RBBP8: variants seen among roughly 807,000 people sequenced by gnomAD.
The protein encoded by RBBP8 is DNA endonuclease RBBP8.
Under a neutral mutation model 108.3 loss-of-function variants are expected in RBBP8, and 88 were observed. The observed-to-expected ratio is 0.81, with a 90% CI of 0.68 to 0.97. The LOEUF (loss-of-function observed/expected upper bound fraction) is 0.97. Ranked by LOEUF, RBBP8 falls within the 50% of genes least tolerant of loss-of-function variation. The pLI, the probability that RBBP8 is intolerant of heterozygous loss-of-function variation, is 0.00. For missense variants in RBBP8, 1,023 were observed against 1,049.0 expected, an observed-to-expected ratio of 0.98 and a Z score of 0.34; for synonymous variants, 332 against 348.2, an observed-to-expected ratio of 0.95 and a Z score of 0.52.
chr18:22,946,725 A>G (rs1464108694), intron 3 of RBBP8, among the ~76,000 whole-genome samples: 1 of 152,112 alleles, frequency 6.6e-6, no homozygotes, highest in Non-Finnish European at 1.5e-5. Flanking sequence ...ATGTATGTTT[A>G]TATTGTAATA....
At chr18:23,002,922 C>A (rs890989108) in intron 15 of RBBP8, among the ~76,000 whole-genome samples, 19 of 152,152 alleles carry the variant, frequency 1.2e-4, no homozygotes, top group Non-Finnish European at 2.4e-4. Flanking sequence ...CTTTTTCCCC[C>A]CAAGAAGGAC....
intron 14 of RBBP8, among the ~76,000 whole-genome samples, chr18:23,000,280 G>A (rs2045925588): frequency 6.6e-6 from 1 of 152,090 alleles, no homozygotes; most frequent in African/African-American, 2.4e-5. Flanking sequence ...AAACTCTAGT[G>A]TTTTTTAAAT....
intron 16 of RBBP8, among the ~76,000 whole-genome samples, chr18:23,009,677 G>T (rs2046122311): frequency 6.6e-6 from 1 of 151,796 alleles, no homozygotes; most frequent in Admixed American, 6.6e-5. Context: ...TAAAATTTAT[G>T]ATTTTTCTTC....
At chr18:22,933,894 G>C (rs1910263218) in intron 1 of RBBP8, 2 of 152,298 alleles carry the variant, frequency 1.3e-5, no homozygotes, top group South Asian at 2.1e-4. Context: ...GAACCGGCGC[G>C]GGCACCTGGG....
At chr18:22,945,015 T>C (rs1006899558) in intron 2 of RBBP8, among the ~76,000 whole-genome samples, 2 of 152,202 alleles carry the variant, frequency 1.3e-5, no homozygotes, top group Admixed American at 6.5e-5. Flanking sequence ...TATACACATA[T>C]ATGAAAAACT....
rs974441429 is a variant in RBBP8 at position 22,954,949 on chromosome 18, C to A, written c.248+5236C>A. ...TCAGTTACCTCCTACCAGATCCCTCCCTCCTGATTTCAAGCAGTTCTCCCA... is the reference window on the plus strand; with the variant it reads ...TCAGTTACCTCCTACCAGATCCCTCACTCCTGATTTCAAGCAGTTCTCCCA... On this transcript the variant is annotated intron_variant, in intron 4 of 18. Coordinates refer to ENST00000327155, the MANE Select transcript of RBBP8 (RefSeq NM_002894.3). Among the ~76,000 whole-genome samples, 90 of 152,314 alleles carry A rather than the reference C, an allele frequency of 5.9e-4. 1 individual carries two copies. Among genetic ancestry groups the A allele is most frequent in the African/African-American group, 2.1e-3 (87 of 41,576 alleles).
chr18:22,931,187 T>C (rs1910010990), upstream of RBBP8, among the ~76,000 whole-genome samples: 1 of 151,978 alleles, frequency 6.6e-6, no homozygotes, highest in Non-Finnish European at 1.5e-5. Context: ...ACTATTGAAA[T>C]AAGATAAAAA....
chr18:23,022,292 T>A lies in RBBP8; in HGVS notation c.2596+22T>A, dbSNP rs756310589. 2.5e-6 allele frequency: 4 copies of A among 1,589,406 alleles called. No homozygotes were observed. The Middle Eastern group carries it at 5.0e-4, about 199-fold the overall frequency. On this transcript the variant is annotated intron_variant, in intron 18 of 18. Coordinates refer to ENST00000327155, the MANE Select transcript of RBBP8 (RefSeq NM_002894.3). ...AGAGGTGAGAGTATAGATTGTAACA[T>A]TTTATAATTATTTTTTTTAAATACT...
rs193197461 is a variant in RBBP8, at chr18:22,949,622, G to A, written c.157G>A (p.Ala53Thr). 2 of 1,607,660 alleles carry A rather than the reference G, an allele frequency of 1.2e-6. No individual in the cohort carries two copies. Among genetic ancestry groups the A allele is most frequent in the East Asian group, 2.2e-5 (1 of 44,768 alleles). ...TATTTATTTTTTGACCTTTAGAGAT[G>A]CACAAAGACTAGAAGAATTCTTCAC... ...TKLKQERILDAQRLEEFFTKN... is the reference protein window; with the variant it reads ...TKLKQERILDTQRLEEFFTKN... Residue 53 changes from alanine (A) to threonine (T), a missense_variant, in exon 4 of 19, where the codon GCA becomes ACA. Transcript: ENST00000327155.
intron 2 of RBBP8, among the ~76,000 whole-genome samples, chr18:22,945,709 A>G (rs185928551): frequency 1.3e-5 from 2 of 152,134 alleles, no homozygotes; most frequent in East Asian, 3.9e-4. Context: ...TTAAATCAAT[A>G]TTGGGTTTTA....
At chr18:22,929,025 G>A (rs140401396), upstream of RBBP8, among the ~76,000 whole-genome samples, 72 of 152,262 alleles carry the variant, frequency 4.7e-4, no homozygotes, top group African/African-American at 1.7e-3. Context: ...AGAAATAATG[G>A]TTTAGATGTT....
At chr18:23,008,352 A>G (rs1358071437) in intron 16 of RBBP8, among the ~76,000 whole-genome samples, 1 of 151,994 alleles carries the variant, frequency 6.6e-6, no homozygotes, top group Non-Finnish European at 1.5e-5. Flanking sequence ...GATTTTTTTT[A>G]TTCCTCTGAA....
intron 4 of RBBP8, among the ~76,000 whole-genome samples, chr18:22,962,572 A>T (rs1218982741): frequency 1.3e-5 from 2 of 150,870 alleles, no homozygotes; most frequent in Admixed American, 6.6e-5. Context: ...TCTTTTTTTG[A>T]GACAGAGTCT....
intron 4 of RBBP8, among the ~76,000 whole-genome samples, chr18:22,966,717 A>ACCTT (rs1913630081): frequency 7.4e-6 from 1 of 135,914 alleles, no homozygotes. Context: ...AATACTTACT[A>ACCTT]TCTTTTTTTT....
Position 22,967,716 on chromosome 18 carries a change from A to G in RBBP8, c.249-1090A>G, listed in dbSNP as rs996378557. ...GGCTGGAGTGCAGTGGTGCAATCTCAGCTCACTGCAAGCTCCGCCTCCCAG... is the reference window on the plus strand; with the variant it reads ...GGCTGGAGTGCAGTGGTGCAATCTCGGCTCACTGCAAGCTCCGCCTCCCAG... On this transcript the variant is annotated intron_variant, in intron 4 of 18. Transcript: ENST00000327155. 1.1e-4 allele frequency among the ~76,000 whole-genome samples: 16 copies of G among 144,372 alleles called. 1 individual carries two copies. The East Asian group carries it at 1.9e-3, about 17-fold the overall frequency. 94.7% of individuals were successfully genotyped at this position (144,372 alleles called of 152,430 possible).
chr18:22,977,138 T>G (rs963038021), intron 6 of RBBP8, among the ~76,000 whole-genome samples: 2 of 152,050 alleles, frequency 1.3e-5, no homozygotes, highest in Admixed American at 6.6e-5. Context: ...ATAGTTGTGA[T>G]TCTCATGAAC....
chr18:22,979,172 G>A (rs1914712056), intron 6 of RBBP8, among the ~76,000 whole-genome samples: 1 of 152,202 alleles, frequency 6.6e-6, no homozygotes, highest in African/African-American at 2.4e-5. Context: ...GGGAGGCTGA[G>A]ACACAAGAAT....
chr18:23,000,905 CACTT>C (rs2045935875), intron 14 of RBBP8, among the ~76,000 whole-genome samples: 1 of 152,082 alleles, frequency 6.6e-6, no homozygotes. Context: ...TGTCTTTAAA[CACTT>C]CATTACATAC....
chr18:23,011,439 A>ATTTT (rs11438456), intron 16 of RBBP8, among the ~76,000 whole-genome samples: 4 of 139,172 alleles, frequency 2.9e-5, no homozygotes, highest in Admixed American at 7.3e-5. Flanking sequence ...CTTTGATGCT[A>ATTTT]TTTTTTTTTT....
Sources: gnomAD v4.1 joint callset for allele counts (sites outside exome capture counted in the v4.1 genomes callset) on GRCh38, gnomAD v4.1.1 for gene constraint, MANE v1.5 for transcripts, NCBI Gene and HGNC (gene_info 2026-07-23, HGNC 2026-07-21) for gene names.